IFTAP: variants seen among roughly 807,000 people sequenced by gnomAD.
The protein encoded by IFTAP is intraflagellar transport-associated protein.
A neutral mutation model predicts 19.4 loss-of-function variants in IFTAP; 19 were observed. That is an observed-to-expected ratio of 0.98 (90% confidence interval 0.68 to 1.44). The LOEUF (loss-of-function observed/expected upper bound fraction) is 1.44. IFTAP is among the 40% of genes most tolerant of loss of function. IFTAP has a pLI of 0.00. For missense variants in IFTAP, 240 were observed against 253.6 expected, an observed-to-expected ratio of 0.95 and a Z score of 0.36; for synonymous variants, 85 against 83.5, an observed-to-expected ratio of 1.02 and a Z score of -0.10.
chr11:36,628,223 C>T (rs1273489290), intron 2 of IFTAP, among the ~76,000 whole-genome samples: 1 of 151,038 alleles, frequency 6.6e-6, no homozygotes, highest in Non-Finnish European at 1.5e-5. Flanking sequence ...TCCAAATATA[C>T]CCCGTCCATG....
At chr11:36,610,588 A>G (rs1851846002) in intron 2 of IFTAP, among the ~76,000 whole-genome samples, 1 of 152,200 alleles carries the variant, frequency 6.6e-6, no homozygotes, top group Non-Finnish European at 1.5e-5. Flanking sequence ...GAGAAATAGT[A>G]TAGTATAGAC....
At chr11:36,646,165 T>C (rs534600876) in intron 4 of IFTAP, among the ~76,000 whole-genome samples, 84 of 152,334 alleles carry the variant, frequency 5.5e-4, no homozygotes, top group African/African-American at 1.9e-3. Flanking sequence ...GTAAAGAAAT[T>C]GCAGAGTTGT....
intron 1 of IFTAP, among the ~76,000 whole-genome samples, chr11:36,599,057 G>A (rs761554869): frequency 1.3e-5 from 2 of 152,042 alleles, no homozygotes; most frequent in Admixed American, 6.6e-5. Context: ...GCAGTGGTAC[G>A]ATCTTGGCTC....
At chr11:36,607,550 A>C (rs922821149) in intron 1 of IFTAP, among the ~76,000 whole-genome samples, 1 of 152,128 alleles carries the variant, frequency 6.6e-6, no homozygotes, top group Admixed American at 6.5e-5. Context: ...ATGTTAATTC[A>C]ATCAGGTCTT....
chr11:36,612,700 A>G (rs1225787417), intron 2 of IFTAP, among the ~76,000 whole-genome samples: 1 of 152,052 alleles, frequency 6.6e-6, no homozygotes, highest in Non-Finnish European at 1.5e-5. Flanking sequence ...TCTCAAGTCC[A>G]TTACCATTTC....
At chr11:36,656,535 A>G (rs1565035671) in intron 5 of IFTAP, among the ~76,000 whole-genome samples, 2 of 151,794 alleles carry the variant, frequency 1.3e-5, no homozygotes, top group African/African-American at 2.4e-5. Flanking sequence ...ATGCCACTGC[A>G]CTCCTGCCTG....
chr11:36,635,828 G>A (rs745725509), intron 3 of IFTAP, among the ~76,000 whole-genome samples: 23 of 152,096 alleles, frequency 1.5e-4, no homozygotes, highest in Non-Finnish European at 2.6e-4. Context: ...CCTGACTATG[G>A]TGCCTACAAA....
chr11:36,607,508 C>T (rs756552197), intron 1 of IFTAP, among the ~76,000 whole-genome samples: 13 of 152,136 alleles, frequency 8.5e-5, no homozygotes, highest in Admixed American at 3.3e-4. Flanking sequence ...TGAATAGTAA[C>T]GCTGAGTAGA....
chr11:36,648,234 T>A (rs1853572698), intron 5 of IFTAP, 79 bp downstream of exon 5: 7 of 1,462,586 alleles, frequency 4.8e-6, no homozygotes, highest in Non-Finnish European at 6.4e-6. Flanking sequence ...GCTGCATGCT[T>A]CTGTATTTTT....
intron 2 of IFTAP, among the ~76,000 whole-genome samples, chr11:36,619,156 A>G (rs1852206889): frequency 1.3e-5 from 2 of 151,730 alleles, no homozygotes; most frequent in African/African-American, 4.8e-5. Flanking sequence ...TTCTGTCAAG[A>G]GCTTAGAATC....
At chr11:36,613,588 A>T (rs12420509) in intron 2 of IFTAP, among the ~76,000 whole-genome samples, 17,244 of 152,078 alleles carry the variant, frequency 0.11, 1,152 homozygotes, top group African/African-American at 0.17. Flanking sequence ...GAGAGCTTAT[A>T]GGAGGGCCAC....
At chr11:36,635,420 T>G (rs1440932006) in intron 3 of IFTAP, among the ~76,000 whole-genome samples, 1 of 152,180 alleles carries the variant, frequency 6.6e-6, no homozygotes, top group Non-Finnish European at 1.5e-5. Flanking sequence ...TGTGGAATAG[T>G]TTTTCATTGA....
intron 2 of IFTAP, among the ~76,000 whole-genome samples, chr11:36,612,959 G>GT (rs1006494748): frequency 6.6e-6 from 1 of 151,978 alleles, no homozygotes; most frequent in Non-Finnish European, 1.5e-5. Context: ...ACGTTTTGTG[G>GT]TTTTTTCTTT....
intron 2 of IFTAP, among the ~76,000 whole-genome samples, chr11:36,618,006 C>T (rs746115622): frequency 2.0e-5 from 3 of 151,954 alleles, no homozygotes; most frequent in Non-Finnish European, 2.9e-5. Context: ...TGTATCATCT[C>T]GTTTAATCAT....
chr11:36,645,016 TA>T (rs1024302215), intron 4 of IFTAP, among the ~76,000 whole-genome samples: 161 of 147,212 alleles, frequency 1.1e-3, no homozygotes, highest in African/African-American at 3.8e-3. Flanking sequence ...ATAATAATAA[TA>T]AAGAAGTGAT....
intron 4 of IFTAP, among the ~76,000 whole-genome samples, chr11:36,641,030 A>C (rs1451996110): frequency 2.0e-5 from 3 of 152,154 alleles, no homozygotes; most frequent in Non-Finnish European, 4.4e-5. Flanking sequence ...GTAGTATCAA[A>C]GAAAAATATC....
intron 4 of IFTAP, among the ~76,000 whole-genome samples, chr11:36,642,512 C>G (rs1426547462): frequency 6.6e-6 from 1 of 152,124 alleles, no homozygotes; most frequent in Non-Finnish European, 1.5e-5. Context: ...TTTTATGAGA[C>G]CAGCATGATC....
intron 2 of IFTAP, among the ~76,000 whole-genome samples, chr11:36,621,791 A>G (rs964006135): frequency 6.6e-6 from 1 of 152,018 alleles, no homozygotes; most frequent in African/African-American, 2.4e-5. Context: ...TGTCATTCCT[A>G]TTGCAATCTG....
rs536140801 is a variant in IFTAP at position 36,650,589 on chromosome 11, A to G, written c.498+2434A>G. ...AAAAATATATTTTTATTATACTTTA[A>G]GTTCTAGGGTACATGTGCACAACGT... On this transcript the variant is annotated intron_variant, in intron 5 of 5. Transcript: ENST00000334307. Among the ~76,000 whole-genome samples the G allele has an allele frequency of 5.0e-4, 74 of 149,404 alleles. No homozygotes were observed. In the South Asian group the frequency reaches 0.015, roughly 31 times the overall value.
Sources: allele counts gnomAD v4.1 joint callset (sites outside exome capture counted in the v4.1 genomes callset), GRCh38; gene constraint gnomAD v4.1.1; transcripts MANE v1.5; gene names NCBI Gene and HGNC (gene_info 2026-07-23, HGNC 2026-07-21).